The following TMEM260 variants were observed in gnomAD, a reference collection of about 807,000 sequenced individuals.
The protein encoded by TMEM260 is protein O-mannosyl-transferase TMEM260.
TMEM260 carries 82 observed loss-of-function variants against 88.9 expected under a neutral mutation model. That is an observed-to-expected ratio of 0.92 (90% CI 0.77 to 1.11). TMEM260 has a LOEUF of 1.11. Among genes scored for constraint, TMEM260 ranks in the 50% least tolerant of loss-of-function variants. The pLI, the probability that TMEM260 is intolerant of heterozygous loss-of-function variation, is 0.00. For synonymous variants in TMEM260, 314 were observed against 309.3 expected (o/e 1.02, Z -0.16); for missense variants, 902 against 853.4 (o/e 1.06, Z -0.71).
At chr14:56,621,388 A>C (rs1211296386) in intron 10 of TMEM260, 143 bp from the exon 11 acceptor site, 1 of 592,890 alleles carries the variant, frequency 1.7e-6, no homozygotes, top group African/African-American at 1.9e-5. Context: ...TCTCTCTTCA[A>C]ATATACATAT....
At chr14:56,661,211 T>A in the TMEM260 span, among the ~76,000 whole-genome samples, 1,056 of 152,180 alleles carry the variant, frequency 6.9e-3, 10 homozygotes, top group South Asian at 0.025. Context: ...TCTGGAATCC[T>A]GGTGGTCGCC....
At chr14:56,653,020 G>A (rs185968734), downstream of TMEM260, among the ~76,000 whole-genome samples, 575 of 152,232 alleles carry the variant, frequency 3.8e-3, 1 homozygote, top group Non-Finnish European at 5.1e-3. Context: ...TGGGCCGGGC[G>A]CGGTGGCTCA....
chr14:56,595,414 T>C lies in TMEM260; in HGVS notation c.345-8401T>C, dbSNP rs796961827. Among the ~76,000 whole-genome samples, 13 of 152,326 alleles carry C rather than the reference T, an allele frequency of 8.5e-5. 1 individual carries two copies. Among genetic ancestry groups the C allele is most frequent in the African/African-American group, 2.6e-4 (11 of 41,558 alleles). On this transcript the variant is annotated intron_variant, in intron 3 of 15. Coordinates refer to ENST00000261556, the MANE Select transcript of TMEM260 (RefSeq NM_017799.4). ...GAAATTTCACAAAAGTTTGAGAAAA[T>C]TAAGGAACCTTCTTTACAAATCAAT...
intron 12 of TMEM260, among the ~76,000 whole-genome samples, chr14:56,631,412 C>T (rs1888587644): frequency 1.3e-5 from 2 of 152,182 alleles, no homozygotes; most frequent in South Asian, 4.2e-4. Context: ...CACCTGAGGT[C>T]AGAAGTTCAA....
At chr14:56,601,386 C>G (rs763812725) in intron 3 of TMEM260, among the ~76,000 whole-genome samples, 1 of 152,190 alleles carries the variant, frequency 6.6e-6, no homozygotes, top group Non-Finnish European at 1.5e-5. Flanking sequence ...ATGCTGTATT[C>G]TTTTCACTAG....
chr14:56,607,773 A>G (rs1887004841), intron 5 of TMEM260, among the ~76,000 whole-genome samples: 1 of 152,274 alleles, frequency 6.6e-6, no homozygotes, highest in South Asian at 2.1e-4. Context: ...ATTCTGATAT[A>G]AGTGATCTGG....
intron 6 of TMEM260, among the ~76,000 whole-genome samples, chr14:56,611,208 C>T (rs546102603): frequency 7.2e-5 from 11 of 152,042 alleles, no homozygotes; most frequent in Admixed American, 2.6e-4. Context: ...CCTTGTGATC[C>T]GCCCACCTCG....
At chr14:56,593,940 G>T (rs1159494969) in intron 3 of TMEM260, among the ~76,000 whole-genome samples, 1 of 151,790 alleles carries the variant, frequency 6.6e-6, no homozygotes, top group African/African-American at 2.4e-5. Flanking sequence ...ACCCGCCTCG[G>T]CCTCCCAAAG....
At chr14:56,590,568 C>T (rs966577606) in intron 3 of TMEM260, among the ~76,000 whole-genome samples, 4 of 152,204 alleles carry the variant, frequency 2.6e-5, no homozygotes, top group South Asian at 2.1e-4. Context: ...TCAGAATGTG[C>T]GGAAGTCATA....
chr14:56,617,383 A>C, intron 9 of TMEM260, 86 bp downstream of exon 9: 1 of 771,070 alleles, frequency 1.3e-6, no homozygotes, highest in Non-Finnish European at 2.1e-6. Flanking sequence ...TAGAAGGGCA[A>C]ATTACTTGAG....
intron 4 of TMEM260, among the ~76,000 whole-genome samples, chr14:56,605,088 C>G (rs749533142): frequency 3.3e-5 from 5 of 152,106 alleles, no homozygotes; most frequent in Non-Finnish European, 5.9e-5. Flanking sequence ...TTCAGAGGAG[C>G]CTGACTTGAG....
intron 7 of TMEM260, chr14:56,613,895 C>CA (rs35019348): frequency 0.63 from 83,993 of 133,022 alleles, 26,764 homozygotes; most frequent in African/African-American, 0.78. Flanking sequence ...CCCGTCTCTG[C>CA]AAAAAAAAAA....
At chr14:56,651,878 A>G (rs140826748), downstream of TMEM260, among the ~76,000 whole-genome samples, 298 of 152,388 alleles carry the variant, frequency 2.0e-3, no homozygotes, top group Non-Finnish European at 3.7e-3. Flanking sequence ...GCAAACTAAT[A>G]AATGGAGATT....
chr14:56,613,991 C>T (rs965477864), intron 7 of TMEM260: 2 of 151,886 alleles, frequency 1.3e-5, no homozygotes, highest in East Asian at 2.0e-4. Context: ...CAACCTCCGC[C>T]TCCGCCTCCC....
rs933987850 is a variant in TMEM260 at position 56,621,711 on chromosome 14, A to C, written c.1398+9A>C. On this transcript the variant is annotated intron_variant, in intron 11 of 15. Transcript: ENST00000261556. ...CATTAGTGGATCAGGAAGTAAGTAT[A>C]TGAAAAATATACTTAGAATATAGCG... is the stretch of plus-strand genomic sequence containing the variant. 26 of 1,594,378 alleles carry C rather than the reference A, an allele frequency of 1.6e-5. No homozygotes were observed. The highest frequency in any genetic ancestry group is 2.1e-5 in the Non-Finnish European group (25 of 1,172,742).
intron 7 of TMEM260, chr14:56,613,161 C>G (rs1887389677): frequency 6.6e-6 from 1 of 151,994 alleles, no homozygotes; most frequent in South Asian, 2.1e-4. Context: ...CAACTTGATA[C>G]AAAATTTTGG....
rs751735286 is a variant in TMEM260 at position 56,621,650 on chromosome 14, A to G, written c.1346A>G (p.Tyr449Cys). The change falls in exon 11 of 16, where the codon TAC becomes TGC. Residue 449 changes from tyrosine (Y) to cysteine (C), a missense_variant. Transcript: ENST00000261556. ...RGDLPGNSLR[Y>C]MHYCEGLRPD... ...GATTTGCCAGGAAATTCTCTCCGTT[A>G]CATGCATTACTGTGAGGGGTTGAGG... 1 of 1,613,456 alleles carries G rather than the reference A, an allele frequency of 6.2e-7. No individual in the cohort carries two copies. The highest frequency in any genetic ancestry group is 1.7e-5 in the Admixed American group (1 of 59,944).
chr14:56,606,843 C>T (rs1318685520), intron 5 of TMEM260, among the ~76,000 whole-genome samples: 5 of 152,080 alleles, frequency 3.3e-5, no homozygotes, highest in African/African-American at 7.2e-5. Context: ...TGCAGTGAGC[C>T]GATATCGCGC....
intron 3 of TMEM260, among the ~76,000 whole-genome samples, chr14:56,596,767 CA>C (rs34224409): frequency 1.1e-3 from 99 of 91,932 alleles, no homozygotes; most frequent in African/African-American, 3.0e-3. Flanking sequence ...GTCTCTGTCT[CA>C]AAAAAAAAAA....
Sources: allele counts gnomAD v4.1 joint callset (sites outside exome capture counted in the v4.1 genomes callset), GRCh38; gene constraint gnomAD v4.1.1; transcripts MANE v1.5; gene names NCBI Gene and HGNC (gene_info 2026-07-23, HGNC 2026-07-21).